KIF13A: variants seen among roughly 807,000 people sequenced by gnomAD.
The protein encoded by KIF13A is kinesin family member 13A.
A neutral mutation model predicts 212.2 loss-of-function variants in KIF13A; 79 were observed. The ratio of observed to expected loss-of-function variants is 0.37; its 90% CI spans 0.31 to 0.45. The LOEUF is 0.45. Ranked by LOEUF, KIF13A falls within the 20% of genes least tolerant of loss-of-function variation. The pLI is 1.00. For synonymous variants in KIF13A, 789 were observed against 808.6 expected, an observed-to-expected ratio of 0.98 and a Z score of 0.41; for missense variants, 1,901 against 2,209.0, an observed-to-expected ratio of 0.86 and a Z score of 2.79.
chr6:17,979,033 C>T (rs1195429450), intron 2 of KIF13A, among the ~76,000 whole-genome samples: 1 of 152,106 alleles, frequency 6.6e-6, no homozygotes, highest in African/African-American at 2.4e-5. Context: ...GCCTGTAATC[C>T]CAGCACTTTG....
At chr6:17,775,473 A>C (rs1458581463) in intron 34 of KIF13A, among the ~76,000 whole-genome samples, 1 of 152,126 alleles carries the variant, frequency 6.6e-6, no homozygotes. Context: ...GTACAGGAGT[A>C]TATTTTGACT....
In KIF13A at chr6:17,821,948, G is replaced by T. The variant is rs142374880; in HGVS notation, c.1786+3820C>A. The T allele has an allele frequency of 1.1e-3, 1,698 of 1,532,512 alleles. 13 individuals carry two copies. The African/African-American group carries it at 0.019, about 17-fold the overall frequency. 94.9% of individuals were successfully genotyped at this position (1,532,512 alleles called of 1,614,324 possible). A position where few individuals can be genotyped will look rare whatever the true frequency, so the allele number is the denominator to read the frequency against. On this transcript the variant is annotated intron_variant, in intron 16 of 38. Coordinates refer to ENST00000259711, the MANE Select transcript of KIF13A (RefSeq NM_022113.6). Reference sequence around the variant, plus strand: ...TCACAGTGAACACCGTCCAGCCACCGGCACATCAGCACTTGCATCAGAGAC... The same window carrying T: ...TCACAGTGAACACCGTCCAGCCACCTGCACATCAGCACTTGCATCAGAGAC...
Position 17,771,063 on chromosome 6 carries a change from G to A in KIF13A, c.4581+51C>T. The A allele has an allele frequency of 8.6e-7, 1 of 1,162,142 alleles. No individual in the cohort carries two copies. 72.0% of individuals were successfully genotyped at this position (1,162,142 alleles called of 1,614,324 possible). A position where few individuals can be genotyped will look rare whatever the true frequency, so the allele number is the denominator to read the frequency against. On this transcript the variant is annotated intron_variant, in intron 38 of 38. Coordinates refer to ENST00000259711, the MANE Select transcript of KIF13A (RefSeq NM_022113.6). This position sits in a 1 kb window ranked among gnomAD's most constrained non-coding sequence, Gnocchi z 5.4. ...GCATTTGGATGATTGTCTGTGAAAG[G>A]GCCTTAAACCCACCACCAGGCAATA... is the stretch of plus-strand genomic sequence containing the variant.
rs767366511 is a variant in KIF13A at position 17,794,741 on chromosome 6, G to A, written c.2943-37C>T. On this transcript the variant is annotated intron_variant, in intron 23 of 38. Coordinates refer to ENST00000259711, the MANE Select transcript of KIF13A (RefSeq NM_022113.6). The surrounding 1 kb of genome is among the most constrained non-coding windows in gnomAD (Gnocchi z 4.1). ...CATTCCAACAAGCAAGAGCGTCATC[G>A]TCCAGGGATACTGTTAGTAATAGTA... 1.9e-5 allele frequency: 30 copies of A among 1,590,986 alleles called. 1 individual carries two copies. Among genetic ancestry groups the A allele is most frequent in the South Asian group, 4.6e-5 (4 of 87,226 alleles).
rs1360956670 is a variant in KIF13A, at chr6:17,828,244, C to A, written c.1528G>T (p.Ala510Ser). The A allele has an allele frequency of 3.1e-6, 5 of 1,609,618 alleles. No homozygotes were observed. The highest frequency in any genetic ancestry group is 1.1e-5 in the South Asian group (1 of 90,070). ...GTCACCATTTACTTTTCTTACCTTG[C>A]ATTTTCTTTTGGAGTGAGAGTGACG... ...GDVTLTPKEN[A>S]RSCVNGTLVC... Residue 510 changes from alanine (A) to serine (S), a missense_variant, in exon 14 of 39, where the codon GCA (alanine) becomes TCA (serine). By Grantham distance (99) the Ala-to-Ser change is moderately conservative. Coordinates refer to ENST00000259711, the MANE Select transcript of KIF13A (RefSeq NM_022113.6). This position sits in a 1 kb window ranked among gnomAD's most constrained non-coding sequence, Gnocchi z 4.3.
In KIF13A at chr6:17,764,996, C is replaced by A; in HGVS notation, c.4582-50G>T. 1 of 1,377,916 alleles carries A rather than the reference C, an allele frequency of 7.3e-7. No homozygotes were observed. The highest frequency in any genetic ancestry group is 2.4e-5 in the East Asian group (1 of 42,350). 85.4% of individuals were successfully genotyped at this position (1,377,916 alleles called of 1,614,324 possible). A position where few individuals can be genotyped will look rare whatever the true frequency, so the allele number is the denominator to read the frequency against. ...TCATTAGCTCCTTGTAGCAACTGTA[C>A]TGTTGAGACAAGTTTTAAATACTTG... On this transcript the variant is annotated intron_variant, in intron 38 of 38. Coordinates refer to ENST00000259711, the MANE Select transcript of KIF13A (RefSeq NM_022113.6). The surrounding 1 kb of genome is among the most constrained non-coding windows in gnomAD (Gnocchi z 5.1).
rs534793822 is a variant in KIF13A at position 17,763,975 on chromosome 6, G to A, written c.*135C>T. On this transcript the variant is annotated 3_prime_UTR_variant, in exon 39 of 39. Transcript: ENST00000259711. The stretch of plus-strand genomic sequence containing the variant: ...AGTTCCCAAAACAGACTTGCTCTCC[G>A]ACAGAGACAGCTGTGCAGGAAGTGA... 1.0e-5 allele frequency: 15 copies of A among 1,447,404 alleles called. No individual in the cohort carries two copies. The highest frequency in any genetic ancestry group is 2.9e-5 in the Admixed American group (1 of 35,056). 89.7% of individuals were successfully genotyped at this position (1,447,404 alleles called of 1,614,324 possible). A position where few individuals can be genotyped will look rare whatever the true frequency, so the allele number is the denominator to read the frequency against.
intron 3 of KIF13A, among the ~76,000 whole-genome samples, chr6:17,876,291 CT>C (rs1157018330): frequency 2.0e-5 from 3 of 152,162 alleles, no homozygotes; most frequent in Non-Finnish European, 2.9e-5. Context: ...GCTCTTTGGC[CT>C]GGCATTTGAG....
At chr6:17,983,186 A>G (rs1212447859) in intron 2 of KIF13A, among the ~76,000 whole-genome samples, 2 of 151,720 alleles carry the variant, frequency 1.3e-5, no homozygotes, top group Non-Finnish European at 2.9e-5. Flanking sequence ...AAAAAAAAAA[A>G]AAAGAAAGCT....
rs1468836227 is a variant in KIF13A at position 17,855,130 on chromosome 6, T to C, written c.494+307A>G. ...TTAACACATTAGTGCCACTTTCCAATGTAAATGGAAGAACTAATGTGTTAT... is the reference window on the plus strand; with the variant it reads ...TTAACACATTAGTGCCACTTTCCAACGTAAATGGAAGAACTAATGTGTTAT... On this transcript the variant is annotated intron_variant, in intron 6 of 38. Transcript: ENST00000259711. The surrounding 1 kb of genome is among the most constrained non-coding windows in gnomAD (Gnocchi z 4.1). Among the ~76,000 whole-genome samples, 7 of 152,120 alleles carry C rather than the reference T, an allele frequency of 4.6e-5. No homozygotes were observed. Among genetic ancestry groups the C allele is most frequent in the Non-Finnish European group, 1.0e-4 (7 of 68,024 alleles).
chr6:17,896,094 C>T (rs1268230051), intron 3 of KIF13A, among the ~76,000 whole-genome samples: 1 of 152,140 alleles, frequency 6.6e-6, no homozygotes, highest in African/African-American at 2.4e-5. Flanking sequence ...CCCTGGAACC[C>T]ATCTATAGGA....
chr6:17,913,527 C>T (rs1254461860), intron 2 of KIF13A, among the ~76,000 whole-genome samples: 1 of 152,128 alleles, frequency 6.6e-6, no homozygotes, highest in Non-Finnish European at 1.5e-5. Context: ...CCTGCTATTC[C>T]AGCAGGAGAC....
intron 2 of KIF13A, among the ~76,000 whole-genome samples, chr6:17,975,237 C>G (rs1202109633): frequency 2.0e-5 from 3 of 152,108 alleles, no homozygotes; most frequent in Non-Finnish European, 4.4e-5. Flanking sequence ...TCTGTAATCC[C>G]AGCTACTCGG....
chr6:17,784,988 C>T (rs892011437), intron 28 of KIF13A, among the ~76,000 whole-genome samples: 3 of 152,092 alleles, frequency 2.0e-5, no homozygotes, highest in African/African-American at 4.8e-5. Context: ...AATCTGATTT[C>T]TCTTAAATGC....
chr6:17,974,980 G>C (rs1199796715), intron 2 of KIF13A, among the ~76,000 whole-genome samples: 1 of 152,158 alleles, frequency 6.6e-6, no homozygotes, highest in Non-Finnish European at 1.5e-5. Flanking sequence ...GGACAGTGCT[G>C]GTCTAGACTA....
chr6:17,979,207 C>T (rs1269456846), intron 2 of KIF13A, among the ~76,000 whole-genome samples: 1 of 152,054 alleles, frequency 6.6e-6, no homozygotes, highest in African/African-American at 2.4e-5. Flanking sequence ...GCACAAGAAT[C>T]GATTGAACCT....
intron 18 of KIF13A, among the ~76,000 whole-genome samples, chr6:17,806,363 G>C (rs933632462): frequency 2.0e-5 from 3 of 152,260 alleles, no homozygotes; most frequent in African/African-American, 7.2e-5. Context: ...TCCACTATAA[G>C]CATCCTTGTG....
At chr6:17,958,216 G>A (rs1224548420) in intron 2 of KIF13A, among the ~76,000 whole-genome samples, 1 of 152,162 alleles carries the variant, frequency 6.6e-6, no homozygotes, top group African/African-American at 2.4e-5. Context: ...TGTCTTTGGT[G>A]GCATTAATTT....
chr6:17,871,936 T>C lies in KIF13A; in HGVS notation c.220+1441A>G, dbSNP rs902718166. ...TTTGTTGTTGATTTAAATCTAAAAG[T>C]ACACACCCGGCACAAAAATACAGAG... is the stretch of plus-strand genomic sequence containing the variant. On this transcript the variant is annotated intron_variant, in intron 4 of 38. Transcript: ENST00000259711. The surrounding 1 kb of genome is among the most constrained non-coding windows in gnomAD (Gnocchi z 4.4). Among the ~76,000 whole-genome samples, 9 of 152,220 alleles carry C rather than the reference T, an allele frequency of 5.9e-5. 1 individual carries two copies. Among genetic ancestry groups the C allele is most frequent in the Admixed American group, 5.9e-4 (9 of 15,280 alleles).
Sources: allele counts gnomAD v4.1 joint callset (sites outside exome capture counted in the v4.1 genomes callset), GRCh38; gene constraint gnomAD v4.1.1; non-coding constraint Gnocchi (gnomAD v3.1); transcripts MANE v1.5; gene names NCBI Gene and HGNC (gene_info 2026-07-23, HGNC 2026-07-21).